The following RASA3 variants were observed in gnomAD, a reference collection of about 807,000 sequenced individuals.
The protein encoded by RASA3 is RAS p21 protein activator 3, also known as ras GTPase-activating protein 3.
In RASA3, 73 loss-of-function variants were observed where a neutral mutation model predicts 110.0. That is an observed-to-expected ratio of 0.66 (90% CI 0.55 to 0.81). The LOEUF (loss-of-function observed/expected upper bound fraction) is 0.81. RASA3 is among the 30% of genes least tolerant of loss of function. The pLI is 0.00. For synonymous variants in RASA3, 500 were observed against 451.4 expected (o/e 1.11, Z -1.37); for missense variants, 976 against 1,113.2 (o/e 0.88, Z 1.75).
chr13:114,044,583 G>T (rs111328415), intron 3 of RASA3, among the ~76,000 whole-genome samples: 3 of 130,298 alleles, frequency 2.3e-5, no homozygotes, highest in African/African-American at 9.1e-5. Flanking sequence ...TGACTTCAAG[G>T]GTCCGGAGTG....
At chr13:114,040,538 G>A (rs546497323) in intron 4 of RASA3, among the ~76,000 whole-genome samples, 2 of 137,926 alleles carry the variant, frequency 1.5e-5, no homozygotes, top group Non-Finnish European at 3.1e-5. Context: ...GGCGGAGCCC[G>A]CGCTCACTCC....
rs1172233583 is a variant in RASA3 at position 114,018,091 on chromosome 13, G to A, written c.1091+13C>T. The A allele has an allele frequency of 2.0e-6, 3 of 1,519,354 alleles. No individual in the cohort carries two copies. Among genetic ancestry groups the A allele is most frequent in the Non-Finnish European group, 2.7e-6 (3 of 1,127,588 alleles). The allele number at this position is 1,519,354 out of a possible 1,614,324, so 94.1% of individuals were successfully genotyped here. On this transcript the variant is annotated intron_variant, in intron 11 of 23. Coordinates refer to ENST00000334062, the MANE Select transcript of RASA3 (RefSeq NM_007368.4). ...TCCAGGCCGCTCTCCCCCGGGGCAG[G>A]GTGGGCACTCACTGGGTCCGCTTCA...
intron 22 of RASA3, among the ~76,000 whole-genome samples, chr13:113,989,390 C>CTGTT (rs2053050787): frequency 1.3e-5 from 2 of 148,548 alleles, no homozygotes; most frequent in African/African-American, 5.0e-5. Flanking sequence ...ACTCACCCAT[C>CTGTT]CGTCCATCCA....
intron 8 of RASA3, 79 bp from the exon 9 acceptor site, chr13:114,021,587 C>G: frequency 8.6e-7 from 1 of 1,163,368 alleles, no homozygotes; most frequent in Non-Finnish European, 1.3e-6. Flanking sequence ...ACGCTTTGTT[C>G]CCCCAGGAGC....
chr13:113,979,040 G>A lies in RASA3; in HGVS notation c.*307C>T. 2.5e-6 allele frequency: 1 copy of A among 402,312 alleles called. No homozygotes were observed. Among genetic ancestry groups the A allele is most frequent in the Non-Finnish European group, 4.6e-6 (1 of 217,450 alleles). The allele number at this position is 402,312 out of a possible 1,614,324, so 24.9% of individuals were successfully genotyped here. A position where few individuals can be genotyped will look rare whatever the true frequency, so the allele number is the denominator to read the frequency against. On this transcript the variant is annotated 3_prime_UTR_variant, in exon 24 of 24. Transcript: ENST00000334062. ...GCCGTGGCTCCCTGAGGCTGGCTGT[G>A]GTGTGGCTAGGGCACAGCCCACACT...
intron 3 of RASA3, among the ~76,000 whole-genome samples, chr13:114,045,852 CA>C (rs1352470926): frequency 6.6e-6 from 1 of 152,108 alleles, no homozygotes; most frequent in African/African-American, 2.4e-5. Flanking sequence ...ACATAAAACA[CA>C]GGGAAATAAA....
intron 1 of RASA3, among the ~76,000 whole-genome samples, chr13:114,075,610 T>G (rs57040435): frequency 1.2e-4 from 6 of 49,962 alleles, no homozygotes; most frequent in African/African-American, 1.0e-3. Flanking sequence ...GGACGAAGCC[T>G]CCCGTGTCCG....
chr13:114,061,050 G>C (rs979671288), intron 2 of RASA3, among the ~76,000 whole-genome samples: 5 of 148,196 alleles, frequency 3.4e-5, no homozygotes, highest in African/African-American at 1.2e-4. Context: ...CCTGGGCACT[G>C]CACACAGAGA....
At chr13:114,001,756 C>CA (rs2053409728) in intron 18 of RASA3, among the ~76,000 whole-genome samples, 1 of 149,250 alleles carries the variant, frequency 6.7e-6, no homozygotes, top group African/African-American at 2.4e-5. Flanking sequence ...CGCCCATACT[C>CA]AGAGGACCTG....
chr13:114,012,666 TCC>T (rs1237676967), intron 15 of RASA3, among the ~76,000 whole-genome samples: 2 of 80,524 alleles, frequency 2.5e-5, no homozygotes, highest in African/African-American at 4.7e-5. Flanking sequence ...CCTTCCACAC[TCC>T]CCACACACTG....
chr13:113,982,268 G>A (rs2052954081), intron 22 of RASA3, among the ~76,000 whole-genome samples: 1 of 152,240 alleles, frequency 6.6e-6, no homozygotes, highest in African/African-American at 2.4e-5. Flanking sequence ...CCCTGGGGCA[G>A]CCCTGAAGAG....
At position 114,033,996 on chromosome 13, in the gene RASA3, G is replaced by A. The variant is rs114669675; in HGVS notation, c.373-4109C>T. Among the ~76,000 whole-genome samples the A allele has an allele frequency of 7.9e-3, 1,211 of 152,362 alleles. 9 individuals carry two copies. Among genetic ancestry groups the A allele is most frequent in the African/African-American group, 0.028 (1,161 of 41,584 alleles). On this transcript the variant is annotated intron_variant, in intron 4 of 23. Coordinates refer to ENST00000334062, the MANE Select transcript of RASA3 (RefSeq NM_007368.4). The stretch of plus-strand genomic sequence containing the variant: ...CACCCATCAGAGCTCAGGGCTGAGC[G>A]GAGTATCGCCTGTGGTCCTCACCGC...
chr13:114,113,201 T>C (rs1159346689), intron 1 of RASA3, among the ~76,000 whole-genome samples: 1 of 152,182 alleles, frequency 6.6e-6, no homozygotes, highest in East Asian at 1.9e-4. Context: ...GTTTGTCTGC[T>C]CAGCCACACC....
intron 1 of RASA3, among the ~76,000 whole-genome samples, chr13:114,091,089 T>C (rs1158039289): frequency 6.6e-6 from 1 of 152,186 alleles, no homozygotes; most frequent in Non-Finnish European, 1.5e-5. Context: ...TAACCACAGT[T>C]ACTAATTTCT....
At chr13:114,051,743 T>G (rs2079150840) in intron 3 of RASA3, among the ~76,000 whole-genome samples, 2 of 148,128 alleles carry the variant, frequency 1.4e-5, no homozygotes, top group Admixed American at 6.8e-5. Context: ...CCCCCACAGA[T>G]GCCCCGGGGA....
At position 114,027,419 on chromosome 13, in the gene RASA3, AT is replaced by A; in HGVS notation, c.572del (p.Asn191IlefsTer12). On this transcript the variant is annotated frameshift_variant, in exon 7 of 24. Coordinates refer to ENST00000334062, the MANE Select transcript of RASA3 (RefSeq NM_007368.4). LOFTEE classifies it high-confidence loss of function. ...AATAAAACACTTCATCGAACTGGGG[AT>A]TGTTGGTCTTCCTCTTCACTTTCGT... ...KKTKVKRKTN[N>X]PQFDEVFYFE... The A allele has an allele frequency of 6.2e-7, 1 of 1,613,244 alleles. No homozygotes were observed. Among genetic ancestry groups the A allele is most frequent in the Non-Finnish European group, 8.5e-7 (1 of 1,179,314 alleles).
chr13:114,047,942 C>T, intron 3 of RASA3, among the ~76,000 whole-genome samples: 1 of 152,250 alleles, frequency 6.6e-6, no homozygotes, highest in Non-Finnish European at 1.5e-5. Context: ...GTCTACACAA[C>T]TGCATACACT....
At chr13:114,087,299 G>A (rs1223540026) in intron 1 of RASA3, among the ~76,000 whole-genome samples, 1 of 152,156 alleles carries the variant, frequency 6.6e-6, no homozygotes. Context: ...GGTGAGTTTG[G>A]AGTATCGATT....
intron 1 of RASA3, among the ~76,000 whole-genome samples, chr13:114,090,114 A>G (rs1416570151): frequency 6.6e-6 from 1 of 152,186 alleles, no homozygotes; most frequent in East Asian, 1.9e-4. Context: ...AAGTGTGCAC[A>G]AGTTCCCATG....
Sources: allele counts gnomAD v4.1 joint callset (sites outside exome capture counted in the v4.1 genomes callset), GRCh38; gene constraint gnomAD v4.1.1; transcripts MANE v1.5; gene names NCBI Gene and HGNC (gene_info 2026-07-23, HGNC 2026-07-21).